The following FNTA variants were observed in gnomAD, a reference collection of about 807,000 sequenced individuals.
FNTA encodes the protein farnesyltransferase, CAAX box, subunit alpha, also known as protein farnesyltransferase/geranylgeranyltransferase type-1 subunit alpha.
Under a neutral mutation model 55.2 loss-of-function variants are expected in FNTA, and 27 were observed. That is an observed-to-expected ratio of 0.49 (90% CI 0.36 to 0.67). The LOEUF is 0.67. Among genes scored for constraint, FNTA ranks in the 30% least tolerant of loss-of-function variants. FNTA has a pLI of 0.00. For synonymous variants in FNTA, 176 were observed against 170.7 expected (o/e 1.03, Z -0.24); for missense variants, 422 against 464.7 (o/e 0.91, Z 0.85).
intron 2 of FNTA, among the ~76,000 whole-genome samples, chr8:43,062,533 C>T (rs190643690): frequency 9.2e-5 from 14 of 152,234 alleles, no homozygotes; most frequent in Admixed American, 6.5e-4. Flanking sequence ...CCTCCCACCT[C>T]GGCCTCCCAA....
In FNTA at chr8:43,077,313, T is replaced by C; in HGVS notation, c.731T>C (p.Ile244Thr). ...NSVWNQRYFVISNTTGYNDRA... is the reference protein window; with the variant it reads ...NSVWNQRYFVTSNTTGYNDRA... ...GTCTGGAACCAAAGATACTTCGTTATTTCTAACACCACTGGCTACAATGAT... is the reference window on the plus strand; with the variant it reads ...GTCTGGAACCAAAGATACTTCGTTACTTCTAACACCACTGGCTACAATGAT... Residue 244 changes from isoleucine to threonine, a missense_variant, in exon 6 of 9, where the codon ATT (isoleucine) becomes ACT (threonine). Ile to Thr is a moderately conservative substitution (Grantham distance 89). Around this residue, in one of 2 missense-constraint regions of FNTA, gnomAD observed 262 missense variants for 343.1 expected, o/e 0.76. Transcript: ENST00000302279. The C allele has an allele frequency of 6.2e-7, 1 of 1,613,434 alleles. No individual in the cohort carries two copies. The highest frequency in any genetic ancestry group is 8.5e-7 in the Non-Finnish European group (1 of 1,179,538).
At chr8:43,070,896 C>T (rs902603743) in intron 4 of FNTA, among the ~76,000 whole-genome samples, 1 of 152,184 alleles carries the variant, frequency 6.6e-6, no homozygotes, top group Non-Finnish European at 1.5e-5. Context: ...GGATCTGATT[C>T]TTAGCTTTTC....
intron 2 of FNTA, among the ~76,000 whole-genome samples, 175 bp from the exon 3 acceptor site, chr8:43,063,926 C>T (rs564375782): frequency 6.6e-6 from 1 of 152,294 alleles, no homozygotes; most frequent in African/African-American, 2.4e-5. Flanking sequence ...CTTTTTGTGG[C>T]TGAGGCACTA....
intron 4 of FNTA, 54 bp from the exon 5 acceptor site, chr8:43,072,127 T>C (rs774954680): frequency 1.2e-5 from 16 of 1,367,526 alleles, no homozygotes; most frequent in South Asian, 3.8e-5. Flanking sequence ...GCAACTGATA[T>C]TTTAGTTCAT....
chr8:43,072,642 G>A (rs763449204), intron 5 of FNTA, among the ~76,000 whole-genome samples: 1 of 152,026 alleles, frequency 6.6e-6, no homozygotes, highest in Non-Finnish European at 1.5e-5. Flanking sequence ...CAGGAGGATT[G>A]CTTGAGCCCA....
At chr8:43,056,807 C>G (rs750596729) in intron 1 of FNTA, 28 of 167,332 alleles carry the variant, frequency 1.7e-4, no homozygotes, top group Non-Finnish European at 3.2e-4. Flanking sequence ...CTGCTGCACC[C>G]TTGACTGCAC....
chr8:43,065,239 CTT>C (rs879371507), intron 3 of FNTA, among the ~76,000 whole-genome samples: 1 of 145,930 alleles, frequency 6.9e-6, no homozygotes, highest in South Asian at 2.2e-4. Context: ...TGCTGACACA[CTT>C]TTTTTTTTTT....
At chr8:43,073,326 A>G (rs1369765987) in intron 5 of FNTA, 1 of 152,224 alleles carries the variant, frequency 6.6e-6, no homozygotes, top group Non-Finnish European at 1.5e-5. Flanking sequence ...AAACATAACC[A>G]GTATTTTTGA....
At chr8:43,076,018 C>T (rs1457597707) in intron 5 of FNTA, among the ~76,000 whole-genome samples, 2 of 151,778 alleles carry the variant, frequency 1.3e-5, no homozygotes, top group Non-Finnish European at 2.9e-5. Flanking sequence ...GCATGTGCCA[C>T]GATGCCCGAC....
intron 1 of FNTA, chr8:43,058,815 CA>C: frequency 3.5e-6 from 1 of 289,140 alleles, no homozygotes; most frequent in Non-Finnish European, 6.3e-6. Flanking sequence ...CTACTTGCTG[CA>C]AAAACTTATT....
At chr8:43,059,786 A>T (rs560507592) in intron 2 of FNTA, among the ~76,000 whole-genome samples, 16 of 117,962 alleles carry the variant, frequency 1.4e-4, no homozygotes, top group African/African-American at 4.8e-4. Context: ...CTTTTCTAAG[A>T]TCATTCTTTT....
intron 5 of FNTA, among the ~76,000 whole-genome samples, chr8:43,076,202 C>T (rs1269460431): frequency 6.6e-6 from 1 of 152,000 alleles, no homozygotes; most frequent in Non-Finnish European, 1.5e-5. Flanking sequence ...TGTCATCACA[C>T]CCGGCTAATT....
intron 3 of FNTA, among the ~76,000 whole-genome samples, chr8:43,064,805 T>TTTTCA (rs958128666): frequency 2.2e-4 from 33 of 151,782 alleles, no homozygotes; most frequent in Non-Finnish European, 3.8e-4. Flanking sequence ...TGTTATTATT[T>TTTTCA]TTTCATTTTA....
intron 2 of FNTA, among the ~76,000 whole-genome samples, chr8:43,062,236 A>C (rs1260913453): frequency 2.6e-5 from 4 of 151,306 alleles, no homozygotes; most frequent in Non-Finnish European, 5.9e-5. Flanking sequence ...ATTTGTATAC[A>C]TATTTAATAT....
chr8:43,073,770 A>G (rs1050715440), intron 5 of FNTA, among the ~76,000 whole-genome samples: 2 of 152,188 alleles, frequency 1.3e-5, no homozygotes, highest in African/African-American at 2.4e-5. Context: ...ATTGGCATCT[A>G]TTGGGTAGAG....
At chr8:43,070,615 TTCA>T in intron 4 of FNTA, among the ~76,000 whole-genome samples, 1 of 152,346 alleles carries the variant, frequency 6.6e-6, no homozygotes, top group Middle Eastern at 3.4e-3. Context: ...TCATTAGCAC[TTCA>T]TCACCCACTG....
At position 43,077,348 on chromosome 8, in the gene FNTA, T is replaced by G. The variant is rs1394412553; in HGVS notation, c.766T>G (p.Leu256Val). The G allele has an allele frequency of 2.5e-6, 4 of 1,610,848 alleles. No individual in the cohort carries two copies. Among genetic ancestry groups the G allele is most frequent in the Non-Finnish European group, 3.4e-6 (4 of 1,178,428 alleles). Residue 256 changes from leucine (L) to valine (V), a missense_variant, in exon 6 of 9, where the codon TTG (leucine) becomes GTG (valine). Around this residue, in one of 2 missense-constraint regions of FNTA, gnomAD observed 262 missense variants for 343.1 expected, o/e 0.76. Transcript: ENST00000302279. Reference sequence around the variant, plus strand: ...CACTGGCTACAATGATCGTGCTGTATTGGAGAGAGAAGTCCAGTTAGTAAT... The same window carrying G: ...CACTGGCTACAATGATCGTGCTGTAGTGGAGAGAGAAGTCCAGTTAGTAAT... ...NTTGYNDRAV[L>V]EREVQYTLEM...
chr8:43,056,817 C>G (rs1810418553), intron 1 of FNTA: 1 of 164,970 alleles, frequency 6.1e-6, no homozygotes, highest in South Asian at 2.0e-4. Flanking sequence ...CTTGACTGCA[C>G]TCGTTCAGCT....
At chr8:43,064,042 C>T in intron 2 of FNTA, 59 bp from the exon 3 acceptor site, 1 of 1,006,872 alleles carries the variant, frequency 9.9e-7, no homozygotes, top group Non-Finnish European at 1.6e-6. Flanking sequence ...TGACATTATA[C>T]ATTATAGTGC....
Sources: allele counts gnomAD v4.1 joint callset (sites outside exome capture counted in the v4.1 genomes callset), GRCh38; gene constraint gnomAD v4.1.1; regional missense constraint gnomAD v4.1.1; transcripts MANE v1.5; gene names NCBI Gene and HGNC (gene_info 2026-07-23, HGNC 2026-07-21).